TMEM38A: variants seen among roughly 807,000 people sequenced by gnomAD.
The protein encoded by TMEM38A is trimeric intracellular cation channel type A.
TMEM38A carries 17 observed loss-of-function variants against 28.6 expected under a neutral mutation model. The ratio of observed to expected loss-of-function variants is 0.60; its 90% CI spans 0.41 to 0.89. The LOEUF is 0.89. TMEM38A is among the 40% of genes least tolerant of loss of function. The pLI is 0.00. For missense variants in TMEM38A, 328 were observed against 393.1 expected (o/e 0.83, Z 1.40); for synonymous variants, 169 against 166.1 (o/e 1.02, Z -0.14).
intron 4 of TMEM38A, among the ~76,000 whole-genome samples, chr19:16,683,919 G>A (rs1400631199): frequency 6.6e-6 from 1 of 151,564 alleles, no homozygotes; most frequent in East Asian, 1.9e-4. Context: ...GCAGTGAGCC[G>A]AGATCACGCT....
chr19:16,688,336 G>A lies in TMEM38A; in HGVS notation c.865G>A (p.Gly289Ser), dbSNP rs143059945. The change falls in exon 6 of 6, where the codon GGC becomes AGC. Residue 289 changes from glycine to serine, a missense_variant. By Grantham distance (56) the Gly-to-Ser change is moderately conservative. Coordinates refer to ENST00000187762, the MANE Select transcript of TMEM38A (RefSeq NM_024074.4). ...CAAGTCCAAGGAGGAGTTGAGCGAG[G>A]GCTCCAGGAAGAAGAAGGCCAAGAA... ...PAKSKEELSE[G>S]SRKKKAKKAD is the part of the protein sequence containing the mutation. 6 of 1,604,294 alleles carry A rather than the reference G, an allele frequency of 3.7e-6. No individual in the cohort carries two copies. Among genetic ancestry groups the A allele is most frequent in the East Asian group, 2.3e-5 (1 of 44,240 alleles).
intron 4 of TMEM38A, among the ~76,000 whole-genome samples, chr19:16,685,049 T>TATAAATAA (rs202015834): frequency 0.06 from 8,178 of 136,444 alleles, 871 homozygotes; most frequent in African/African-American, 0.19. Flanking sequence ...ACCCTGTCTC[T>TATAAATAA]GTAAATAAAT....
intron 1 of TMEM38A, among the ~76,000 whole-genome samples, chr19:16,670,061 A>G (rs537064036): frequency 1.4e-5 from 2 of 142,998 alleles, no homozygotes; most frequent in African/African-American, 2.6e-5. Context: ...CCTCCGCCTC[A>G]TGGGTTCAAG....
At position 16,680,573 on chromosome 19, in the gene TMEM38A, G is replaced by A. The variant is rs1765713433; in HGVS notation, c.458G>A (p.Trp153Ter). The stretch of plus-strand genomic sequence containing the variant: ...TGGTTCGTCATGATTGCAACTGGGT[G>A]GGTCAAAGGTAAATAGGATGATGAC... ...HGWFVMIATG[W>*]VKGSGVALMS... Residue 153 changes from tryptophan to a stop codon, truncating the protein, a stop_gained, in exon 3 of 6, where the codon TGG (tryptophan) becomes TAG (stop). Coordinates refer to ENST00000187762, the MANE Select transcript of TMEM38A (RefSeq NM_024074.4). LOFTEE classifies it high-confidence loss of function. 6.2e-7 allele frequency: 1 copy of A among 1,613,594 alleles called. No homozygotes were observed. Among genetic ancestry groups the A allele is most frequent in the Non-Finnish European group, 8.5e-7 (1 of 1,179,588 alleles).
chr19:16,666,409 T>G (rs1003727734), intron 1 of TMEM38A, among the ~76,000 whole-genome samples: 11 of 151,812 alleles, frequency 7.2e-5, no homozygotes, highest in African/African-American at 2.7e-4. Context: ...GAGCCACTGC[T>G]CTTGGCCAAT....
chr19:16,676,187 C>T (rs1375886130), intron 1 of TMEM38A, among the ~76,000 whole-genome samples: 1 of 135,116 alleles, frequency 7.4e-6, no homozygotes, highest in Non-Finnish European at 1.5e-5. Context: ...AGTGAAACCC[C>T]GTCTCTACTA....
Position 16,682,473 on chromosome 19 carries a change from GA to G in TMEM38A, c.521del (p.Lys174SerfsTer54). 1 of 1,613,962 alleles carries G rather than the reference GA, an allele frequency of 6.2e-7. No individual in the cohort carries two copies. The highest frequency in any genetic ancestry group is 2.2e-5 in the East Asian group (1 of 44,876). ...TTGAGCAGCTGCTCCGAGGGGTCTG[GA>G]AGCCAGAGACCAACGAGATCCTGCA... Reference protein sequence around the residue: ...NFEQLLRGVWKPETNEILHMS... With the variant: ...NFEQLLRGVWXPETNEILHMS... On this transcript the variant is annotated frameshift_variant, in exon 4 of 6. Transcript: ENST00000187762. LOFTEE classifies it high-confidence loss of function.
intron 1 of TMEM38A, among the ~76,000 whole-genome samples, chr19:16,675,258 G>T (rs1042427036): frequency 1.3e-5 from 2 of 152,106 alleles, no homozygotes; most frequent in African/African-American, 4.8e-5. Context: ...TATTGAGATA[G>T]AGTCTTGCTC....
At position 16,661,260 on chromosome 19, in the gene TMEM38A, A is replaced by G; in HGVS notation, c.43A>G (p.Ser15Gly). The G allele has an allele frequency of 1.3e-6, 2 of 1,595,248 alleles. No homozygotes were observed. Among genetic ancestry groups the G allele is most frequent in the Non-Finnish European group, 1.7e-6 (2 of 1,171,782 alleles). Residue 15 changes from serine to glycine, a missense_variant, in exon 1 of 6, where the codon AGC becomes GGC. By Grantham distance (56) the Ser-to-Gly change is moderately conservative (BLOSUM62 0). Transcript: ENST00000187762. This position sits in a 1 kb window ranked among gnomAD's most constrained non-coding sequence, Gnocchi z 6.5. Reference sequence around the variant, plus strand: ...GCTGAGCCTGGGCGAACTGGCGCTCAGCTTCTCGCGGGTGCCGCTCTTCCC... The same window carrying G: ...GCTGAGCCTGGGCGAACTGGCGCTCGGCTTCTCGCGGGTGCCGCTCTTCCC... ...SALSLGELAL[S>G]FSRVPLFPVF...
intron 4 of TMEM38A, among the ~76,000 whole-genome samples, chr19:16,683,465 C>T (rs887005170): frequency 6.6e-6 from 1 of 151,674 alleles, no homozygotes; most frequent in Non-Finnish European, 1.5e-5. Context: ...TGGTGGGATG[C>T]ACTTGTGGTC....
At chr19:16,684,443 G>A (rs2086793570) in intron 4 of TMEM38A, among the ~76,000 whole-genome samples, 1 of 151,484 alleles carries the variant, frequency 6.6e-6, no homozygotes, top group Non-Finnish European at 1.5e-5. Flanking sequence ...TCACACAAGT[G>A]TACTCCAGCC....
Position 16,663,378 on chromosome 19 carries a change from C to T in TMEM38A, c.124+2037C>T, listed in dbSNP as rs142504546. Reference sequence around the variant, plus strand: ...AAGAGGTCTCCAAGCTGCCTGGGAACTTGCAGGAAGGTTCAAGATATTTCT... The same window carrying T: ...AAGAGGTCTCCAAGCTGCCTGGGAATTTGCAGGAAGGTTCAAGATATTTCT... On this transcript the variant is annotated intron_variant, in intron 1 of 5. Coordinates refer to ENST00000187762, the MANE Select transcript of TMEM38A (RefSeq NM_024074.4). Among the ~76,000 whole-genome samples the T allele has an allele frequency of 2.6e-4, 40 of 152,144 alleles. 1 individual carries two copies. In the East Asian group the frequency reaches 7.6e-3, roughly 29 times the overall value.
At chr19:16,679,138 C>T (rs1406091738) in intron 1 of TMEM38A, among the ~76,000 whole-genome samples, 1 of 140,682 alleles carries the variant, frequency 7.1e-6, no homozygotes, top group African/African-American at 2.7e-5. Context: ...GACAGAGTGA[C>T]ACTCTGTTTG....
chr19:16,685,690 G>T (rs181765372), intron 4 of TMEM38A, among the ~76,000 whole-genome samples: 4 of 152,266 alleles, frequency 2.6e-5, no homozygotes, highest in African/African-American at 9.6e-5. Context: ...CATAAATTAC[G>T]TTGTTACTAC....
intron 1 of TMEM38A, among the ~76,000 whole-genome samples, chr19:16,673,633 C>T (rs1343904545): frequency 1.3e-5 from 2 of 152,276 alleles, no homozygotes; most frequent in South Asian, 2.1e-4. Flanking sequence ...CCCACTGATG[C>T]GCTCACCTGG....
intron 1 of TMEM38A, among the ~76,000 whole-genome samples, chr19:16,666,562 CTG>C (rs1568312688): frequency 6.6e-6 from 1 of 151,920 alleles, no homozygotes; most frequent in Non-Finnish European, 1.5e-5. Flanking sequence ...CCATGAGCAA[CTG>C]TGCCTGGCTG....
At chr19:16,674,841 A>G (rs926772850) in intron 1 of TMEM38A, among the ~76,000 whole-genome samples, 2 of 152,022 alleles carry the variant, frequency 1.3e-5, no homozygotes, top group African/African-American at 4.8e-5. Flanking sequence ...ACCCAGAGGG[A>G]TGCACATTTC....
In TMEM38A at chr19:16,686,338, C is replaced by A. The variant is rs199898743; in HGVS notation, c.605C>A (p.Thr202Asn). Reference protein sequence around the residue: ...YGAILFTLQQTRWLPVSKASL... With the variant: ...YGAILFTLQQNRWLPVSKASL... Reference sequence around the variant, plus strand: ...GCCATCCTCTTCACCCTCCAGCAGACCCGCTGGCTCCCAGTGTCCAAAGCC... The same window carrying A: ...GCCATCCTCTTCACCCTCCAGCAGAACCGCTGGCTCCCAGTGTCCAAAGCC... The change falls in exon 5 of 6, where the codon ACC (threonine) becomes AAC (asparagine). Residue 202 changes from threonine to asparagine, a missense_variant. Thr to Asn is a moderately conservative substitution (Grantham distance 65). Transcript: ENST00000187762. 2.4e-5 allele frequency: 38 copies of A among 1,613,658 alleles called. No homozygotes were observed. The highest frequency in any genetic ancestry group is 9.3e-6 in the Non-Finnish European group (11 of 1,179,974).
chr19:16,687,642 C>A (rs1264668000), intron 5 of TMEM38A, among the ~76,000 whole-genome samples: 1 of 152,176 alleles, frequency 6.6e-6, no homozygotes, highest in Non-Finnish European at 1.5e-5. Flanking sequence ...AGATAGGCAG[C>A]ATCTCACTGT....
Sources: allele counts gnomAD v4.1 joint callset (sites outside exome capture counted in the v4.1 genomes callset), GRCh38; gene constraint gnomAD v4.1.1; non-coding constraint Gnocchi (gnomAD v3.1); transcripts MANE v1.5; gene names NCBI Gene and HGNC (gene_info 2026-07-23, HGNC 2026-07-21).